CTSA: variants seen among roughly 807,000 people sequenced by gnomAD.
CTSA encodes the protein cathepsin A, also known as lysosomal protective protein.
Under a neutral mutation model 66.7 loss-of-function variants are expected in CTSA, and 42 were observed. The observed-to-expected ratio is 0.63, with a 90% CI of 0.49 to 0.81. The LOEUF is 0.81. Among genes scored for constraint, CTSA ranks in the 40% least tolerant of loss-of-function variants. The pLI is 0.00. For missense variants in CTSA, 525 were observed against 610.9 expected, an observed-to-expected ratio of 0.86 and a Z score of 1.48; for synonymous variants, 225 against 248.6, an observed-to-expected ratio of 0.91 and a Z score of 0.89.
In CTSA at chr20:45,898,727, G is replaced by C. The variant is rs1601151499; in HGVS notation, c.*277G>C. ...TTATGATGCACTGATTCCATCCCAG[G>C]AACCCAACAGAGCTCAGGACAGCCC... On this transcript the variant is annotated 3_prime_UTR_variant, in exon 15 of 15. Transcript: ENST00000646241. The surrounding 1 kb of genome is among the most constrained non-coding windows in gnomAD (Gnocchi z 4.6). 4.4e-6 allele frequency: 3 copies of C among 675,526 alleles called. No homozygotes were observed. The highest frequency in any genetic ancestry group is 3.6e-5 in the African/African-American group (2 of 55,628). 41.8% of individuals were successfully genotyped at this position (675,526 alleles called of 1,614,324 possible).
At chr20:45,895,785 A>G (rs1343697543) in intron 11 of CTSA, among the ~76,000 whole-genome samples, 1 of 152,002 alleles carries the variant, frequency 6.6e-6, no homozygotes, top group Non-Finnish European at 1.5e-5. Context: ...GGGTCTCACT[A>G]TGTTGTCCAG....
At chr20:45,894,232 C>CCCA in intron 8 of CTSA, 160 bp downstream of exon 8, 1 of 696,152 alleles carries the variant, frequency 1.4e-6, no homozygotes, top group Non-Finnish European at 2.6e-6. Flanking sequence ...AGTGTGTATT[C>CCCA]CCACCACCAC....
Position 45,898,662 on chromosome 20 carries a change from A to G in CTSA, c.*212A>G. The stretch of plus-strand genomic sequence containing the variant: ...ACTTTATTCCCGCAGCAGTTCCTGA[A>G]TGGGGTGGCCTGGCCCCTTCTCTGC... On this transcript the variant is annotated 3_prime_UTR_variant, in exon 15 of 15. Transcript: ENST00000646241. The surrounding 1 kb of genome is among the most constrained non-coding windows in gnomAD (Gnocchi z 4.6). 1.5e-6 allele frequency: 1 copy of G among 681,290 alleles called. No homozygotes were observed. The highest frequency in any genetic ancestry group is 2.6e-6 in the Non-Finnish European group (1 of 386,328). The allele number at this position is 681,290 out of a possible 1,614,324, so 42.2% of individuals were successfully genotyped here.
chr20:45,898,290 G>A lies in CTSA; in HGVS notation c.1360-77G>A. 1 of 1,403,762 alleles carries A rather than the reference G, an allele frequency of 7.1e-7. No individual in the cohort carries two copies. The highest frequency in any genetic ancestry group is 1.0e-6 in the Non-Finnish European group (1 of 1,004,286). 87.0% of individuals were successfully genotyped at this position (1,403,762 alleles called of 1,614,324 possible). Reference sequence around the variant, plus strand: ...GGAAGAATAAAGGGTTTGGGATGAAGGAATTGCCCCCGAGTGAGCAGTTAT... The same window carrying A: ...GGAAGAATAAAGGGTTTGGGATGAAAGAATTGCCCCCGAGTGAGCAGTTAT... On this transcript the variant is annotated intron_variant, in intron 14 of 14. Coordinates refer to ENST00000646241, the MANE Select transcript of CTSA (RefSeq NM_000308.4). This position sits in a 1 kb window ranked among gnomAD's most constrained non-coding sequence, Gnocchi z 4.6.
chr20:45,894,964 A>G, intron 10 of CTSA, 30 bp from the exon 11 acceptor site: 1 of 1,614,122 alleles, frequency 6.2e-7, no homozygotes, highest in Non-Finnish European at 8.5e-7. Context: ...AGGGAAGCAG[A>G]GGCCCTGACC....
chr20:45,895,015 A>G lies in CTSA; in HGVS notation c.970A>G (p.Lys324Glu). 6.2e-7 allele frequency: 1 copy of G among 1,614,130 alleles called. No homozygotes were observed. Among genetic ancestry groups the G allele is most frequent in the Non-Finnish European group, 8.5e-7 (1 of 1,180,000 alleles). The change falls in exon 11 of 15, where the codon AAA (lysine) becomes GAA (glutamate). Residue 324 changes from lysine to glutamate, a missense_variant. Lys to Glu is a moderately conservative substitution (Grantham distance 56). Around this residue, in one of 3 missense-constraint regions of CTSA, gnomAD observed 274 missense variants for 321.1 expected, o/e 0.85. Transcript: ENST00000646241. ...CCAGGCACTGCTGCGCTCAGGGGAT[A>G]AAGTGCGCATGGACCCCCCCTGCAC... Reference protein sequence around the residue: ...WHQALLRSGDKVRMDPPCTNT... With the variant: ...WHQALLRSGDEVRMDPPCTNT...
At chr20:45,894,184 C>A in intron 8 of CTSA, 112 bp downstream of exon 8, 2 of 821,138 alleles carry the variant, frequency 2.4e-6, no homozygotes, top group East Asian at 4.9e-5. Flanking sequence ...CTTTCTTGCA[C>A]CTTTAAGCAA....
chr20:45,894,130 C>A, intron 8 of CTSA, 58 bp downstream of exon 8: 1 of 1,197,826 alleles, frequency 8.3e-7, no homozygotes, highest in Non-Finnish European at 1.2e-6. Context: ...GAGAACAGGA[C>A]CACATTCCCT....
intron 10 of CTSA, 26 bp from the exon 11 acceptor site, chr20:45,894,968 C>G (rs775687436): frequency 6.2e-7 from 1 of 1,614,092 alleles, no homozygotes. Flanking sequence ...AAGCAGAGGC[C>G]CTGACCCACT....
In CTSA at chr20:45,892,034, G is replaced by C. The variant is rs1314271066; in HGVS notation, c.306+7G>C. ...AGAGCATGGCCCCTTCCTGGTGAGT[G>C]GACAGCAGGGGGAAAGCACAGTTCC... On this transcript the variant is annotated splice_region_variant and intron_variant, in intron 3 of 14. Transcript: ENST00000646241. 3 of 1,603,766 alleles carry C rather than the reference G, an allele frequency of 1.9e-6. No individual in the cohort carries two copies. Among genetic ancestry groups the C allele is most frequent in the Non-Finnish European group, 2.6e-6 (3 of 1,170,716 alleles).
chr20:45,892,898 G>A lies in CTSA; in HGVS notation c.600+18G>A. 3 of 1,613,502 alleles carry A rather than the reference G, an allele frequency of 1.9e-6. No individual in the cohort carries two copies. The highest frequency in any genetic ancestry group is 8.5e-7 in the Non-Finnish European group (1 of 1,179,854). On this transcript the variant is annotated intron_variant, in intron 6 of 14. Coordinates refer to ENST00000646241, the MANE Select transcript of CTSA (RefSeq NM_000308.4). ...ACCTTCAGGTGCAGGGTAGCTGCAG[G>A]AGGGAAGGGAGGTAGCTTGAGGCTG... is the stretch of plus-strand genomic sequence containing the variant.
intron 6 of CTSA, 164 bp from the exon 7 acceptor site, chr20:45,893,056 G>A: frequency 1.1e-6 from 1 of 937,888 alleles, no homozygotes; most frequent in Non-Finnish European, 1.7e-6. Context: ...CACCTGTCAG[G>A]CTGCCAGCTC....
chr20:45,898,234 G>GT lies in CTSA; in HGVS notation c.1360-126dup. The GT allele has an allele frequency of 7.7e-7, 1 of 1,300,318 alleles. No individual in the cohort carries two copies. The highest frequency in any genetic ancestry group is 1.1e-6 in the Non-Finnish European group (1 of 914,498). 80.5% of individuals were successfully genotyped at this position (1,300,318 alleles called of 1,614,324 possible). On this transcript the variant is annotated intron_variant, in intron 14 of 14. Coordinates refer to ENST00000646241, the MANE Select transcript of CTSA (RefSeq NM_000308.4). The surrounding 1 kb of genome is among the most constrained non-coding windows in gnomAD (Gnocchi z 4.6). ...CACCATCTGGCCCCTGTATGGGCAA[G>GT]TTTTTTTGGAGAGGGGTGGGGAGGG...
At position 45,892,415 on chromosome 20, in the gene CTSA, C is replaced by A; in HGVS notation, c.375C>A (p.Tyr125Ter). The A allele has an allele frequency of 6.2e-7, 1 of 1,614,172 alleles. No homozygotes were observed. The highest frequency in any genetic ancestry group is 8.5e-7 in the Non-Finnish European group (1 of 1,180,024). ...CCCTCTAGATTGCCAATGTGTTATA[C>A]CTGGAGTCCCCAGCTGGGGTGGGCT... ...YSWNLIANVLYLESPAGVGFS... is the reference protein window; with the variant it reads ...YSWNLIANVL The change falls in exon 5 of 15, where the codon TAC becomes TAA. Residue 125 changes from tyrosine (Y) to a stop codon, truncating the protein, a stop_gained. Transcript: ENST00000646241. LOFTEE classifies it high-confidence loss of function.
At position 45,898,488 on chromosome 20, in the gene CTSA, C is replaced by T. The variant is rs1568768324; in HGVS notation, c.*38C>T. On this transcript the variant is annotated 3_prime_UTR_variant, in exon 15 of 15. Coordinates refer to ENST00000646241, the MANE Select transcript of CTSA (RefSeq NM_000308.4). The surrounding 1 kb of genome is among the most constrained non-coding windows in gnomAD (Gnocchi z 4.6). ...CCAGCTCCACGGCCTGATGCAGCCC[C>T]TCCCAGCCTCTCCCGCTAGGAGAGT... The T allele has an allele frequency of 3.2e-6, 5 of 1,582,662 alleles. No individual in the cohort carries two copies. Among genetic ancestry groups the T allele is most frequent in the South Asian group, 1.1e-5 (1 of 90,314 alleles).
At position 45,891,601 on chromosome 20, in the gene CTSA, GC is replaced by G; in HGVS notation, c.34del (p.Leu12CysfsTer8). The G allele has an allele frequency of 9.8e-6, 2 of 203,342 alleles. No homozygotes were observed. The allele number at this position is 203,342 out of a possible 1,614,324, so 12.6% of individuals were successfully genotyped here. On this transcript the variant is annotated frameshift_variant, in exon 2 of 15. Coordinates refer to ENST00000646241, the MANE Select transcript of CTSA (RefSeq NM_000308.4). LOFTEE classifies it high-confidence loss of function. The surrounding 1 kb of genome is among the most constrained non-coding windows in gnomAD (Gnocchi z 4.6). ...GAGCCGCGCCGCCGCCGCTGTTCCT[GC>G]TGCTGCTGCTGCTGCTGCTGCTAGT... ...IRAAPPPLFL[L>X]LLLLLLLVSW...
At position 45,895,138 on chromosome 20, in the gene CTSA, G is replaced by C. The variant is rs377189450; in HGVS notation, c.1088+5G>C. 29 of 1,614,104 alleles carry C rather than the reference G, an allele frequency of 1.8e-5. No individual in the cohort carries two copies. In the African/African-American group the frequency reaches 3.7e-4, roughly 21 times the overall value. ...GCCACAATGGGACATGTGCAAGTGA[G>C]GTTCCGTGGCCACCTGTGACTTGGG... On this transcript the variant is annotated splice_donor_5th_base_variant and intron_variant, in intron 11 of 14. Transcript: ENST00000646241.
Position 45,891,365 on chromosome 20 carries a change from C to T in CTSA, c.-15C>T, listed in dbSNP as rs188792776. On this transcript the variant is annotated 5_prime_UTR_variant, in exon 1 of 15. The change creates a new upstream start codon in the 5' untranslated region. Transcript: ENST00000646241. The surrounding 1 kb of genome is among the most constrained non-coding windows in gnomAD (Gnocchi z 4.6). ...CCGGGCGCCTCCTGGAGAGCAAGGA[C>T]GCGGGGGAGCAGAGGTGAGCTGGCA... 2.5e-6 allele frequency: 4 copies of T among 1,575,252 alleles called. No individual in the cohort carries two copies. Among genetic ancestry groups the T allele is most frequent in the East Asian group, 4.6e-5 (2 of 43,082 alleles).
intron 8 of CTSA, chr20:45,894,379 T>A (rs1280985960): frequency 1.6e-6 from 1 of 608,310 alleles, no homozygotes; most frequent in African/African-American, 1.8e-5. Context: ...CCCCCTCAAA[T>A]GAGATCATAC....
Sources: gnomAD v4.1 joint callset for allele counts (sites outside exome capture counted in the v4.1 genomes callset) on GRCh38, gnomAD v4.1.1 for gene constraint, gnomAD v4.1.1 regional missense constraint, Gnocchi (gnomAD v3.1) non-coding constraint, MANE v1.5 for transcripts, NCBI Gene and HGNC (gene_info 2026-07-23, HGNC 2026-07-21) for gene names.